The following CPNE8 variants were observed in gnomAD, a reference collection of about 807,000 sequenced individuals.
The protein encoded by CPNE8 is copine 8, also known as copine-8.
In CPNE8, 45 loss-of-function variants were observed where a neutral mutation model predicts 81.5. The observed-to-expected ratio is 0.55, with a 90% CI of 0.44 to 0.71. CPNE8 has a LOEUF of 0.71. CPNE8 is among the 30% of genes least tolerant of loss of function. The pLI is 0.00. For missense variants in CPNE8, 594 were observed against 672.1 expected (o/e 0.88, Z 1.28); for synonymous variants, 252 against 226.3 (o/e 1.11, Z -1.02).
Position 38,728,722 on chromosome 12 carries a change from A to G in CPNE8, c.798+1561T>C, listed in dbSNP as rs1169847848. Among the ~76,000 whole-genome samples, 3 of 152,270 alleles carry G rather than the reference A, an allele frequency of 2.0e-5. No individual in the cohort carries two copies. The East Asian group carries it at 5.8e-4, about 29-fold the overall frequency. On this transcript the variant is annotated intron_variant, in intron 11 of 19. Coordinates refer to ENST00000331366, the MANE Select transcript of CPNE8 (RefSeq NM_153634.3). ...AATTATATGAAGAACTAATGGCTGGAAATTTTTTTGGTTGCTTGATAAACC... is the reference window on the plus strand; with the variant it reads ...AATTATATGAAGAACTAATGGCTGGGAATTTTTTTGGTTGCTTGATAAACC...
chr12:38,874,686 A>G (rs576373980), intron 1 of CPNE8, among the ~76,000 whole-genome samples, 175 bp from the exon 2 acceptor site: 1 of 152,206 alleles, frequency 6.6e-6, no homozygotes, highest in Non-Finnish European at 1.5e-5. Context: ...GCTTGTATAT[A>G]TTCAGACTGA....
intron 10 of CPNE8, among the ~76,000 whole-genome samples, chr12:38,753,223 G>A (rs1208800698): frequency 2.0e-5 from 3 of 152,090 alleles, no homozygotes; most frequent in African/African-American, 7.2e-5. Context: ...AGGCCGAGAC[G>A]GGTGGATCAC....
intron 6 of CPNE8, among the ~76,000 whole-genome samples, chr12:38,812,940 C>G (rs906377273): frequency 1.3e-5 from 2 of 152,170 alleles, no homozygotes; most frequent in African/African-American, 4.8e-5. Flanking sequence ...CTCAGGTATT[C>G]TGTTATAGCA....
intron 6 of CPNE8, among the ~76,000 whole-genome samples, chr12:38,805,685 A>AG (rs980012396): frequency 2.8e-5 from 4 of 145,322 alleles, no homozygotes; most frequent in African/African-American, 9.9e-5. Context: ...ATTAAAAAAA[A>AG]AAAAAAGAAC....
At chr12:38,679,946 T>C (rs1256406606) in intron 16 of CPNE8, among the ~76,000 whole-genome samples, 1 of 151,846 alleles carries the variant, frequency 6.6e-6, no homozygotes, top group Admixed American at 6.6e-5. Context: ...AATTATATTT[T>C]AAAGGTATTA....
At chr12:38,892,836 A>T (rs1210263142) in intron 1 of CPNE8, among the ~76,000 whole-genome samples, 1 of 152,224 alleles carries the variant, frequency 6.6e-6, no homozygotes. Context: ...ATCTATTCAT[A>T]TCAAACACTG....
chr12:38,859,935 T>C (rs1943804624), intron 3 of CPNE8, among the ~76,000 whole-genome samples: 1 of 152,120 alleles, frequency 6.6e-6, no homozygotes, highest in South Asian at 2.1e-4. Context: ...GACATACATG[T>C]AAGATGTGGA....
chr12:38,882,643 A>T (rs1049073212), intron 1 of CPNE8, among the ~76,000 whole-genome samples: 2 of 152,054 alleles, frequency 1.3e-5, no homozygotes, highest in Admixed American at 1.3e-4. Context: ...TCCAGGAGAA[A>T]GCTCTCTACT....
intron 15 of CPNE8, among the ~76,000 whole-genome samples, chr12:38,691,059 C>A (rs963495810): frequency 2.0e-5 from 3 of 152,052 alleles, no homozygotes; most frequent in Non-Finnish European, 4.4e-5. Flanking sequence ...TGTAATACTC[C>A]TCTTAAAACA....
chr12:38,750,896 T>C (rs1941341802), intron 10 of CPNE8, among the ~76,000 whole-genome samples: 1 of 152,130 alleles, frequency 6.6e-6, no homozygotes, highest in African/African-American at 2.4e-5. Context: ...CAGAATGATA[T>C]GGTTTGGCTG....
intron 10 of CPNE8, among the ~76,000 whole-genome samples, chr12:38,748,021 T>TA (rs1385611512): frequency 5.9e-5 from 9 of 152,018 alleles, no homozygotes; most frequent in South Asian, 4.1e-4. Flanking sequence ...TTTATTTATT[T>TA]TTTTTATTTG....
chr12:38,792,553 C>A (rs1942351606), intron 6 of CPNE8, among the ~76,000 whole-genome samples: 1 of 151,494 alleles, frequency 6.6e-6, no homozygotes, highest in African/African-American at 2.4e-5. Context: ...TCTAAATAGA[C>A]CAATAACTAG....
intron 10 of CPNE8, among the ~76,000 whole-genome samples, chr12:38,740,497 T>G (rs1941072454): frequency 1.3e-5 from 2 of 152,174 alleles, no homozygotes; most frequent in Admixed American, 1.3e-4. Context: ...TGCTTCCAGT[T>G]TTTGCCCATT....
intron 13 of CPNE8, among the ~76,000 whole-genome samples, chr12:38,704,826 GTATATATATATATA>G (rs573232937): frequency 2.0e-5 from 1 of 50,196 alleles, no homozygotes; most frequent in East Asian, 3.5e-4. Context: ...GTATGTATGT[GTATATATATATATA>G]TATATATATA....
intron 5 of CPNE8, among the ~76,000 whole-genome samples, chr12:38,830,339 A>T (rs1318763774): frequency 6.6e-6 from 1 of 152,206 alleles, no homozygotes; most frequent in African/African-American, 2.4e-5. Flanking sequence ...AAAACTCTAG[A>T]AGGTTGATTT....
At chr12:38,663,353 T>C (rs1938999570) in intron 19 of CPNE8, among the ~76,000 whole-genome samples, 1 of 151,798 alleles carries the variant, frequency 6.6e-6, no homozygotes, top group South Asian at 2.1e-4. Context: ...GTGACCTAAA[T>C]AGATATTTCT....
intron 15 of CPNE8, 56 bp from the exon 16 acceptor site, chr12:38,685,673 A>T: frequency 6.5e-7 from 1 of 1,546,880 alleles, no homozygotes; most frequent in Non-Finnish European, 8.8e-7. Flanking sequence ...GTAAATCTCC[A>T]TGAAGATCAA....
chr12:38,807,939 A>T (rs10783403), intron 6 of CPNE8, among the ~76,000 whole-genome samples: 9 of 151,284 alleles, frequency 5.9e-5, no homozygotes, highest in Middle Eastern at 6.8e-3. Flanking sequence ...AAAAGTGGGC[A>T]AAGGATATGA....
chr12:38,717,458 T>TATATATATATAC (rs1339046227), intron 13 of CPNE8, among the ~76,000 whole-genome samples: 9 of 138,736 alleles, frequency 6.5e-5, no homozygotes, highest in Admixed American at 2.2e-4. Context: ...TATATATATA[T>TATATATATATAC]ACACCATGGA....
Sources: gnomAD v4.1 joint callset for allele counts (sites outside exome capture counted in the v4.1 genomes callset) on GRCh38, gnomAD v4.1.1 for gene constraint, MANE v1.5 for transcripts, NCBI Gene and HGNC (gene_info 2026-07-23, HGNC 2026-07-21) for gene names.